Variants in DEPTOR observed in about 807,000 individuals in gnomAD.
DEPTOR encodes the protein DEP domain containing MTOR interacting protein.
Under a neutral mutation model 41.6 loss-of-function variants are expected in DEPTOR, and 41 were observed. The observed-to-expected ratio is 0.98, with a 90% CI of 0.77 to 1.28. DEPTOR has a LOEUF of 1.28. Ranked by LOEUF, DEPTOR falls within the 50% of genes most tolerant of loss-of-function variation. The pLI is 0.00. For synonymous variants in DEPTOR, 195 were observed against 192.3 expected (o/e 1.01, Z -0.12); for missense variants, 514 against 527.9 (o/e 0.97, Z 0.26).
intron 1 of DEPTOR, among the ~76,000 whole-genome samples, chr8:119,882,858 C>T (rs528406913): frequency 2.0e-5 from 3 of 152,184 alleles, no homozygotes; most frequent in East Asian, 3.9e-4. Context: ...TATACTTTTC[C>T]GTGTTCCATT....
At chr8:119,988,993 G>T (rs1348102274) in intron 4 of DEPTOR, among the ~76,000 whole-genome samples, 1 of 136,264 alleles carries the variant, frequency 7.3e-6, no homozygotes, top group African/African-American at 2.8e-5. Context: ...TAGAGATGGG[G>T]CTTTACCATG....
chr8:119,993,974 C>T (rs530377997), intron 4 of DEPTOR, among the ~76,000 whole-genome samples: 14 of 151,808 alleles, frequency 9.2e-5, no homozygotes, highest in African/African-American at 1.9e-4. Flanking sequence ...CTGGCTAACA[C>T]GGTGAAAACC....
chr8:119,998,946 G>GAAA (rs112650879), intron 4 of DEPTOR, among the ~76,000 whole-genome samples: 4 of 137,672 alleles, frequency 2.9e-5, no homozygotes, highest in Admixed American at 7.3e-5. Context: ...TCAAAAATAG[G>GAAA]AAAAAAAAAA....
chr8:119,880,038 A>G (rs1827278894), intron 1 of DEPTOR, among the ~76,000 whole-genome samples: 1 of 151,154 alleles, frequency 6.6e-6, no homozygotes, highest in African/African-American at 2.4e-5. Context: ...GCTACTTGGG[A>G]GGCTGAGGCA....
intron 4 of DEPTOR, among the ~76,000 whole-genome samples, chr8:119,979,814 ACT>A (rs1450444827): frequency 6.6e-6 from 1 of 151,916 alleles, no homozygotes; most frequent in Non-Finnish European, 1.5e-5. Context: ...CACTCCTGTG[ACT>A]CTGAAATCCT....
At chr8:119,939,126 A>G (rs1242300082) in intron 3 of DEPTOR, among the ~76,000 whole-genome samples, 1 of 151,900 alleles carries the variant, frequency 6.6e-6, no homozygotes, top group Non-Finnish European at 1.5e-5. Context: ...ATTTCAACAA[A>G]AAGTTTATAC....
chr8:119,873,973 G>A lies in DEPTOR; in HGVS notation c.122+5G>A, dbSNP rs1200830948. On this transcript the variant is annotated splice_donor_5th_base_variant and intron_variant, in intron 1 of 8. Coordinates refer to ENST00000286234, the MANE Select transcript of DEPTOR (RefSeq NM_022783.4). ...GGTCACCGGGGAACAGCTACGGTAA[G>A]GCAAGAGACACAGCGGGTGAGCTCA... 5 of 1,613,520 alleles carry A rather than the reference G, an allele frequency of 3.1e-6. No individual in the cohort carries two copies. In the East Asian group the frequency reaches 6.7e-5, roughly 22 times the overall value.
chr8:119,961,154 C>T (rs929030207), intron 3 of DEPTOR, among the ~76,000 whole-genome samples: 8 of 151,728 alleles, frequency 5.3e-5, no homozygotes, highest in African/African-American at 7.3e-5. Flanking sequence ...CAGTGGATCA[C>T]GTCTGTAATC....
intron 3 of DEPTOR, among the ~76,000 whole-genome samples, chr8:119,931,525 A>C (rs2129860318): frequency 6.6e-6 from 1 of 152,258 alleles, no homozygotes; most frequent in East Asian, 1.9e-4. Flanking sequence ...AGCCATTCCA[A>C]ATACGAGCAC....
chr8:119,900,353 A>G (rs10090015), intron 1 of DEPTOR, among the ~76,000 whole-genome samples: 3,230 of 61,530 alleles, frequency 0.052, 106 homozygotes, highest in South Asian at 0.15. Flanking sequence ...AAAAAAAAAA[A>G]CTAAATGTCT....
At chr8:119,983,413 C>T (rs565438383) in intron 4 of DEPTOR, among the ~76,000 whole-genome samples, 5 of 152,164 alleles carry the variant, frequency 3.3e-5, no homozygotes, top group African/African-American at 1.2e-4. Flanking sequence ...GAGACAGAGT[C>T]TCACACTGTT....
chr8:119,889,934 T>C (rs1203118302), intron 1 of DEPTOR, among the ~76,000 whole-genome samples: 1 of 152,096 alleles, frequency 6.6e-6, no homozygotes. Context: ...AGAGAAGTGA[T>C]CAAGGTGTCT....
At chr8:120,036,996 A>G (rs1045794559) in intron 8 of DEPTOR, among the ~76,000 whole-genome samples, 1 of 152,118 alleles carries the variant, frequency 6.6e-6, no homozygotes, top group Non-Finnish European at 1.5e-5. Context: ...TTTTTATTTT[A>G]ATTTTTCCTT....
chr8:120,034,443 CTTTTTTTTTTTT>C (rs148465030), intron 8 of DEPTOR, among the ~76,000 whole-genome samples: 1 of 91,588 alleles, frequency 1.1e-5, no homozygotes, highest in African/African-American at 4.6e-5. Flanking sequence ...TTTCCTTTTT[CTTTTTTTTTTTT>C]TTTTTTTTTT....
intron 3 of DEPTOR, among the ~76,000 whole-genome samples, chr8:119,950,757 G>A (rs954093247): frequency 1.3e-5 from 2 of 152,022 alleles, no homozygotes; most frequent in African/African-American, 4.8e-5. Context: ...ACTATGCCCA[G>A]CTAATTATTT....
At chr8:119,874,164 A>G in intron 1 of DEPTOR, 196 bp downstream of exon 1, 1 of 846,496 alleles carries the variant, frequency 1.2e-6, no homozygotes, top group Non-Finnish European at 1.7e-6. Context: ...CTCGCTCGCC[A>G]AGCGGGGCTG....
intron 7 of DEPTOR, among the ~76,000 whole-genome samples, chr8:120,008,551 G>T (rs1380021388): frequency 6.3e-5 from 9 of 141,764 alleles, no homozygotes; most frequent in Non-Finnish European, 1.5e-5. Flanking sequence ...AAAAAGCCAG[G>T]TCTCTTTATT....
chr8:119,876,694 A>G (rs1827235465), intron 1 of DEPTOR, among the ~76,000 whole-genome samples: 2 of 152,010 alleles, frequency 1.3e-5, no homozygotes, highest in Non-Finnish European at 2.9e-5. Flanking sequence ...TCATAGTGTT[A>G]CTATGAGGAT....
intron 4 of DEPTOR, among the ~76,000 whole-genome samples, chr8:119,968,097 C>A (rs1213227558): frequency 4.6e-5 from 7 of 152,110 alleles, no homozygotes. Context: ...TGACCTTAAG[C>A]AGTTCATAGT....
Sources: allele counts gnomAD v4.1 joint callset (sites outside exome capture counted in the v4.1 genomes callset), GRCh38; gene constraint gnomAD v4.1.1; transcripts MANE v1.5; gene names NCBI Gene and HGNC (gene_info 2026-07-23, HGNC 2026-07-21).